NCOA3: variants seen among roughly 807,000 people sequenced by gnomAD.
The protein encoded by NCOA3 is nuclear receptor coactivator 3, also known as CBP-interacting protein.
In NCOA3, 51 loss-of-function variants were observed where a neutral mutation model predicts 158.8. The ratio of observed to expected loss-of-function variants is 0.32; its 90% CI spans 0.26 to 0.41. NCOA3 has a LOEUF of 0.41. NCOA3 is among the 10% of genes least tolerant of loss of function. NCOA3 has a pLI of 1.00. For missense variants in NCOA3, 1,510 were observed against 1,746.6 expected (o/e 0.86, Z 2.41); for synonymous variants, 537 against 592.4 (o/e 0.91, Z 1.36).
At chr20:47,562,866 C>A (rs1205355013) in intron 1 of NCOA3, among the ~76,000 whole-genome samples, 1 of 152,046 alleles carries the variant, frequency 6.6e-6, no homozygotes, top group African/African-American at 2.4e-5. Context: ...TGTAATTATG[C>A]AGAACTTTTA....
chr20:47,540,615 T>C (rs772432685), intron 1 of NCOA3, among the ~76,000 whole-genome samples: 5 of 152,010 alleles, frequency 3.3e-5, no homozygotes, highest in Admixed American at 6.6e-5. Context: ...ATTTACTCTG[T>C]GCTAGCTACT....
rs2086512685 is a variant in NCOA3 at position 47,636,197 on chromosome 20, A to AG, written c.1816dup (p.Ala606GlyfsTer14). ...AAAGAAAGTAAGGAGAGCAGTGTTG[A>AG]GGGGGCAGAGAATCAAAGGGGTCCT... On this transcript the variant is annotated frameshift_variant, in exon 12 of 23. Coordinates refer to ENST00000371998, the MANE Select transcript of NCOA3 (RefSeq NM_181659.3). LOFTEE classifies it high-confidence loss of function. 1 of 1,614,204 alleles carries AG rather than the reference A, an allele frequency of 6.2e-7. No individual in the cohort carries two copies. Among genetic ancestry groups the AG allele is most frequent in the Non-Finnish European group, 8.5e-7 (1 of 1,180,024 alleles).
chr20:47,546,139 T>G (rs1283769067), intron 1 of NCOA3, among the ~76,000 whole-genome samples: 1 of 152,202 alleles, frequency 6.6e-6, no homozygotes, highest in Non-Finnish European at 1.5e-5. Flanking sequence ...CAAACCAATC[T>G]CATCATTTTC....
chr20:47,656,689 C>T lies in NCOA3; in HGVS notation c.*3272C>T, dbSNP rs2086881766. On this transcript the variant is annotated 3_prime_UTR_variant, in exon 23 of 23. Coordinates refer to ENST00000371998, the MANE Select transcript of NCOA3 (RefSeq NM_181659.3). ...CAATATTTAAATTCTCAGGAATTGA[C>T]TTATACTCTTGAGAATGAATTCAGT... 1 of 152,482 alleles carries T rather than the reference C, an allele frequency of 6.6e-6. No homozygotes were observed. Among genetic ancestry groups the T allele is most frequent in the Non-Finnish European group, 1.5e-5 (1 of 68,008 alleles). The allele number at this position is 152,482 out of a possible 1,614,324, so 9.4% of individuals were successfully genotyped here. A position where few individuals can be genotyped will look rare whatever the true frequency, so the allele number is the denominator to read the frequency against.
At chr20:47,638,650 G>A (rs1461491442) in intron 13 of NCOA3, among the ~76,000 whole-genome samples, 3 of 152,156 alleles carry the variant, frequency 2.0e-5, no homozygotes, top group Non-Finnish European at 4.4e-5. Context: ...GTATACTTAA[G>A]TACAAATATG....
At chr20:47,507,610 T>TTG (rs2084049695) in intron 1 of NCOA3, among the ~76,000 whole-genome samples, 1 of 151,482 alleles carries the variant, frequency 6.6e-6, no homozygotes, top group Non-Finnish European at 1.5e-5. Flanking sequence ...CCAACAACTT[T>TTG]TTGTTGTTGT....
intron 1 of NCOA3, among the ~76,000 whole-genome samples, chr20:47,512,021 T>TA (rs997478503): frequency 1.3e-4 from 20 of 151,430 alleles, no homozygotes; most frequent in Non-Finnish European, 7.4e-5. Flanking sequence ...TTATACAAAT[T>TA]AAAAAAAATC....
At chr20:47,586,595 A>G (rs933232359) in intron 2 of NCOA3, among the ~76,000 whole-genome samples, 2 of 152,200 alleles carry the variant, frequency 1.3e-5, no homozygotes, top group Non-Finnish European at 2.9e-5. Flanking sequence ...AGCATTTTCT[A>G]TGCTTCCTGT....
chr20:47,529,034 T>C (rs2084502825), intron 1 of NCOA3, among the ~76,000 whole-genome samples: 1 of 152,146 alleles, frequency 6.6e-6, no homozygotes. Flanking sequence ...CCCAGAGTGC[T>C]GGGATTACAG....
chr20:47,517,030 C>T (rs2084244733), intron 1 of NCOA3, among the ~76,000 whole-genome samples: 1 of 152,002 alleles, frequency 6.6e-6, no homozygotes, highest in South Asian at 2.1e-4. Context: ...TGAGACCAGC[C>T]AGCATGGTGA....
intron 1 of NCOA3, among the ~76,000 whole-genome samples, chr20:47,563,697 A>T (rs937938457): frequency 4.6e-5 from 7 of 151,690 alleles, no homozygotes; most frequent in African/African-American, 1.7e-4. Flanking sequence ...GACCAGCCTG[A>T]CCAACGTGGT....
intron 2 of NCOA3, among the ~76,000 whole-genome samples, chr20:47,586,778 T>C (rs2085542410): frequency 6.6e-6 from 1 of 152,240 alleles, no homozygotes. Context: ...CTTCATTTTA[T>C]GTTGGTCTGA....
At position 47,546,264 on chromosome 20, in the gene NCOA3, T is replaced by C. The variant is rs568949446; in HGVS notation, c.-98-36919T>C. On this transcript the variant is annotated intron_variant, in intron 1 of 22. Transcript: ENST00000371998. The stretch of plus-strand genomic sequence containing the variant: ...TTATCTCCTTGCTATTTTTAAGATA[T>C]ATGTAGTGTCTGGCCACATCTCAGT... Among the ~76,000 whole-genome samples the C allele has an allele frequency of 1.4e-4, 21 of 152,344 alleles. 2 individuals are homozygous for C. The highest frequency in any genetic ancestry group is 4.8e-4 in the African/African-American group (20 of 41,576).
At position 47,636,105 on chromosome 20, in the gene NCOA3, T is replaced by C; in HGVS notation, c.1719T>C (p.Phe573=). The change falls in exon 12 of 23, where the codon TTT becomes TTC. Residue 573 remains phenylalanine, a synonymous_variant. Coordinates refer to ENST00000371998, the MANE Select transcript of NCOA3 (RefSeq NM_181659.3). ...AGGATTCCAAGAGTCCTCTGGGCTT[T>C]TATTGCGACCAAAATCCAGTGGAGA... The part of the protein sequence containing the change: ...SNQDSKSPLG[F]YCDQNPVESS... The C allele has an allele frequency of 6.2e-7, 1 of 1,614,182 alleles. No homozygotes were observed. The highest frequency in any genetic ancestry group is 8.5e-7 in the Non-Finnish European group (1 of 1,180,040).
At chr20:47,607,019 A>G (rs1434084900) in intron 2 of NCOA3, among the ~76,000 whole-genome samples, 3 of 152,208 alleles carry the variant, frequency 2.0e-5, no homozygotes, top group Non-Finnish European at 4.4e-5. Context: ...TGAAAGATCT[A>G]CTTTAACTCA....
At chr20:47,594,953 G>T (rs571100360) in intron 2 of NCOA3, among the ~76,000 whole-genome samples, 1 of 150,102 alleles carries the variant, frequency 6.7e-6, no homozygotes, top group East Asian at 2.0e-4. Context: ...CACCACGACT[G>T]GCTAATTTTT....
chr20:47,633,467 A>C, intron 8 of NCOA3, 29 bp from the exon 9 acceptor site: 1 of 1,588,750 alleles, frequency 6.3e-7, no homozygotes, highest in Non-Finnish European at 8.6e-7. Context: ...GCTGGATATA[A>C]GTCTTTTTTT....
intron 10 of NCOA3, among the ~76,000 whole-genome samples, chr20:47,634,471 A>G (rs1360489761): frequency 6.6e-6 from 1 of 152,156 alleles, no homozygotes; most frequent in Non-Finnish European, 1.5e-5. Context: ...ATGTCTTACC[A>G]CTCATTTCTG....
intron 2 of NCOA3, among the ~76,000 whole-genome samples, chr20:47,604,306 A>G (rs891058278): frequency 4.6e-5 from 7 of 152,238 alleles, no homozygotes; most frequent in Non-Finnish European, 1.0e-4. Flanking sequence ...TGGTAAGGTC[A>G]TGCTGAGCTC....
Sources: gnomAD v4.1 joint callset for allele counts (sites outside exome capture counted in the v4.1 genomes callset) on GRCh38, gnomAD v4.1.1 for gene constraint, MANE v1.5 for transcripts, NCBI Gene and HGNC (gene_info 2026-07-23, HGNC 2026-07-21) for gene names.